The following GRM5 variants were observed in gnomAD, a reference collection of about 807,000 sequenced individuals.
The protein encoded by GRM5 is glutamate metabotropic receptor 5, also known as metabotropic glutamate receptor 5.
Under a neutral mutation model 83.1 loss-of-function variants are expected in GRM5, and 19 were observed. The ratio of observed to expected loss-of-function variants is 0.23; its 90% CI spans 0.16 to 0.34. The LOEUF is 0.34. Ranked by LOEUF, GRM5 falls within the 10% of genes least tolerant of loss-of-function variation. GRM5 has a pLI of 1.00. For synonymous variants in GRM5, 675 were observed against 633.6 expected (o/e 1.07, Z -0.98); for missense variants, 1,160 against 1,588.3 (o/e 0.73, Z 4.58).
chr11:88,602,444 C>T (rs1938025564), intron 5 of GRM5, among the ~76,000 whole-genome samples: 1 of 152,156 alleles, frequency 6.6e-6, no homozygotes. Context: ...GAGTTGCCAT[C>T]TCTCTCAGCT....
At chr11:88,790,788 G>A (rs990244087) in intron 3 of GRM5, among the ~76,000 whole-genome samples, 2 of 152,156 alleles carry the variant, frequency 1.3e-5, no homozygotes, top group African/African-American at 4.8e-5. Context: ...TAAATCTGGA[G>A]CATTTAGGAG....
At chr11:88,789,503 G>T (rs1337982590) in intron 3 of GRM5, among the ~76,000 whole-genome samples, 2 of 151,910 alleles carry the variant, frequency 1.3e-5, no homozygotes, top group African/African-American at 2.4e-5. Context: ...AACATTTTTT[G>T]TTCAAGTACA....
At chr11:89,064,590 A>T (rs577729274) in intron 1 of GRM5, among the ~76,000 whole-genome samples, 64 of 151,138 alleles carry the variant, frequency 4.2e-4, no homozygotes, top group Non-Finnish European at 8.4e-4. Context: ...AAACACATAC[A>T]TAGACACTAC....
intron 3 of GRM5, among the ~76,000 whole-genome samples, chr11:88,711,416 G>T (rs566042644): frequency 6.6e-6 from 1 of 152,220 alleles, no homozygotes; most frequent in South Asian, 2.1e-4. Flanking sequence ...AGTGGGTCTG[G>T]AGGAACAAAT....
intron 4 of GRM5, among the ~76,000 whole-genome samples, chr11:88,633,409 C>T (rs1504084): frequency 0.56 from 85,264 of 152,052 alleles, 27,545 homozygotes; most frequent in South Asian, 0.81. Flanking sequence ...TTTGCTGTCG[C>T]GTATAAGAAA....
At chr11:88,562,932 C>G (rs537647078) in intron 8 of GRM5, among the ~76,000 whole-genome samples, 4 of 152,234 alleles carry the variant, frequency 2.6e-5, no homozygotes, top group Non-Finnish European at 4.4e-5. Flanking sequence ...GGAACCATGA[C>G]AACTATATTA....
chr11:88,924,149 A>C (rs976785684), intron 2 of GRM5, among the ~76,000 whole-genome samples: 1 of 151,660 alleles, frequency 6.6e-6, no homozygotes, highest in Admixed American at 6.6e-5. Flanking sequence ...AAAAAAAATA[A>C]GAAATAATCA....
At chr11:88,956,088 T>C (rs1375683224) in intron 2 of GRM5, among the ~76,000 whole-genome samples, 2 of 152,244 alleles carry the variant, frequency 1.3e-5, no homozygotes, top group Non-Finnish European at 2.9e-5. Context: ...TATTCAGGCA[T>C]TCCTGATACT....
At chr11:88,797,456 A>AT (rs1943303377) in intron 3 of GRM5, among the ~76,000 whole-genome samples, 1 of 152,192 alleles carries the variant, frequency 6.6e-6, no homozygotes, top group African/African-American at 2.4e-5. Flanking sequence ...TGGGTTTTTA[A>AT]TTATAAACCC....
rs540040542 is a variant in GRM5 at position 88,516,723 on chromosome 11, G to T, written c.2727-7219C>A. 8.6e-3 allele frequency among the ~76,000 whole-genome samples: 1,279 copies of T among 148,418 alleles called. 20 individuals are homozygous for T. The highest frequency in any genetic ancestry group is 0.03 in the African/African-American group (1,209 of 40,756). ...AGAAGGAAGTTTCTTGATTATCCTG[G>T]TTTTTTTTTTTAATTGGATAAAATG... On this transcript the variant is annotated intron_variant, in intron 9 of 9. Coordinates refer to ENST00000305447, the MANE Select transcript of GRM5 (RefSeq NM_001143831.3).
chr11:88,815,157 A>G (rs1943653446), intron 3 of GRM5, among the ~76,000 whole-genome samples: 2 of 152,190 alleles, frequency 1.3e-5, no homozygotes, highest in Admixed American at 1.3e-4. Flanking sequence ...AACACTTACC[A>G]ATATGGACCA....
At chr11:88,526,850 A>G (rs1941890257) in intron 8 of GRM5, among the ~76,000 whole-genome samples, 2 of 152,252 alleles carry the variant, frequency 1.3e-5, no homozygotes, top group East Asian at 1.9e-4. Context: ...CATTTATTAA[A>G]TCCTAGGTAA....
At chr11:89,013,901 G>C (rs528202296) in intron 2 of GRM5, among the ~76,000 whole-genome samples, 1 of 152,290 alleles carries the variant, frequency 6.6e-6, no homozygotes, top group South Asian at 2.1e-4. Flanking sequence ...AGTGGTTAGA[G>C]ATTAGGTAAC....
Position 88,859,616 on chromosome 11 carries a change from A to C in GRM5, c.662-9461T>G, listed in dbSNP as rs551147812. Among the ~76,000 whole-genome samples, 13 of 152,260 alleles carry C rather than the reference A, an allele frequency of 8.5e-5. No homozygotes were observed. The South Asian group carries it at 2.7e-3, about 32-fold the overall frequency. ...TGACAGCTAGTAAATAGAAGAGCTG[A>C]AATTTCAACCCTCATTCTGTCAAAT... On this transcript the variant is annotated intron_variant, in intron 2 of 9. Coordinates refer to ENST00000305447, the MANE Select transcript of GRM5 (RefSeq NM_001143831.3).
At chr11:88,614,216 C>A (rs772969846) in intron 4 of GRM5, among the ~76,000 whole-genome samples, 1 of 152,130 alleles carries the variant, frequency 6.6e-6, no homozygotes, top group Non-Finnish European at 1.5e-5. Context: ...GTCTTCCTGG[C>A]TCTGTGGCTT....
intron 3 of GRM5, among the ~76,000 whole-genome samples, chr11:88,816,628 CA>C (rs1157434427): frequency 7.3e-6 from 1 of 137,776 alleles, no homozygotes; most frequent in East Asian, 2.2e-4. Context: ...AAATAAAAAT[CA>C]AAGCAAAAAA....
At chr11:88,769,156 G>T (rs1233297010) in intron 3 of GRM5, among the ~76,000 whole-genome samples, 2 of 152,052 alleles carry the variant, frequency 1.3e-5, no homozygotes. Context: ...GGAAGCAAAT[G>T]AATAGCTCAT....
At chr11:88,577,346 A>G (rs1325047299) in intron 7 of GRM5, among the ~76,000 whole-genome samples, 1 of 152,132 alleles carries the variant, frequency 6.6e-6, no homozygotes, top group African/African-American at 2.4e-5. Context: ...TATGGGGACA[A>G]AGTGCACACA....
rs115985026 is a variant in GRM5 at position 88,699,864 on chromosome 11, C to T, written c.912-46461G>A. On this transcript the variant is annotated intron_variant, in intron 3 of 9. Transcript: ENST00000305447. Reference sequence around the variant, plus strand: ...TGAGAAGTCTCCTATGACTCGATGTCAGAGGAGACAAAAGGTAAGCTTGAT... The same window carrying T: ...TGAGAAGTCTCCTATGACTCGATGTTAGAGGAGACAAAAGGTAAGCTTGAT... 4.7e-3 allele frequency among the ~76,000 whole-genome samples: 715 copies of T among 152,238 alleles called. 4 individuals carry two copies. Among genetic ancestry groups the T allele is most frequent in the African/African-American group, 0.016 (669 of 41,558 alleles).
Sources: gnomAD v4.1 joint callset for allele counts (sites outside exome capture counted in the v4.1 genomes callset) on GRCh38, gnomAD v4.1.1 for gene constraint, MANE v1.5 for transcripts, NCBI Gene and HGNC (gene_info 2026-07-23, HGNC 2026-07-21) for gene names.